Variants in POLR2B observed in about 807,000 individuals in gnomAD.
The protein encoded by POLR2B is DNA-directed RNA polymerase II subunit RPB2.
Under a neutral mutation model 144.6 loss-of-function variants are expected in POLR2B, and 57 were observed. That is an observed-to-expected ratio of 0.39 (90% CI 0.32 to 0.49). The LOEUF (loss-of-function observed/expected upper bound fraction) is 0.49, where lower values mean the gene tolerates loss of function less well. Among genes scored for constraint, POLR2B ranks in the 20% least tolerant of loss-of-function variants. The probability of loss-of-function intolerance (pLI) is 0.83; values close to 1 mark genes in which losing one functional copy is unlikely to be tolerated. For missense variants in POLR2B, 595 were observed against 1,467.4 expected, an observed-to-expected ratio of 0.41 and a Z score of 9.71; for synonymous variants, 442 against 469.8, an observed-to-expected ratio of 0.94 and a Z score of 0.77.
At position 57,007,017 on chromosome 4, in the gene POLR2B, T is replaced by G; in HGVS notation, c.1404+15T>G. The G allele has an allele frequency of 1.9e-6, 3 of 1,575,038 alleles. No individual in the cohort carries two copies. Among genetic ancestry groups the G allele is most frequent in the South Asian group, 1.1e-5 (1 of 89,554 alleles). ...GAGTATCTCAGGTAAGTGTGCCAAC[T>G]ATGACTACAGGCTCAATAGGAAACA... is the stretch of plus-strand genomic sequence containing the variant. On this transcript the variant is annotated intron_variant, in intron 10 of 24. Transcript: ENST00000314595.
intron 1 of POLR2B, among the ~76,000 whole-genome samples, chr4:56,984,633 T>C (rs1375409373): frequency 1.3e-5 from 2 of 152,230 alleles, no homozygotes; most frequent in Non-Finnish European, 2.9e-5. Flanking sequence ...TCTGAGCTAT[T>C]ATACATAGCT....
intron 3 of POLR2B, among the ~76,000 whole-genome samples, chr4:56,991,289 A>G (rs1216672640): frequency 6.6e-6 from 1 of 152,228 alleles, no homozygotes; most frequent in Non-Finnish European, 1.5e-5. Context: ...TATTATAACC[A>G]TATGAGATAA....
At chr4:56,982,604 G>A (rs995192710) in intron 1 of POLR2B, among the ~76,000 whole-genome samples, 5 of 151,840 alleles carry the variant, frequency 3.3e-5, no homozygotes, top group African/African-American at 1.2e-4. Flanking sequence ...AAAAAAAATT[G>A]CGTCCTTGTA....
chr4:57,020,825 A>C (rs1263583471), intron 16 of POLR2B, 74 bp from the exon 17 acceptor site: 1 of 828,740 alleles, frequency 1.2e-6, no homozygotes, highest in Non-Finnish European at 2.1e-6. Context: ...ATGTAATTAA[A>C]GTTGATTTAA....
In POLR2B at chr4:57,022,232, G is replaced by A. The variant is rs748064322; in HGVS notation, c.2501G>A (p.Arg834His). The A allele has an allele frequency of 4.4e-6, 7 of 1,601,368 alleles. No individual in the cohort carries two copies. The highest frequency in any genetic ancestry group is 2.2e-5 in the East Asian group (1 of 44,770). ...GAAGAAGTTTTTGAGAAGCCTACAC[G>A]TGAAACATGCCAGGGTAAGTGACAC... ...DQEEVFEKPT[R>H]ETCQGMRHAI... The change falls in exon 18 of 25, where the codon CGT becomes CAT. Residue 834 changes from arginine (R) to histidine (H), a missense_variant. This residue lies in a region of POLR2B where 75 missense variants were observed against 100.0 expected (regional missense o/e 0.75). Coordinates refer to ENST00000314595, the MANE Select transcript of POLR2B (RefSeq NM_000938.3).
At position 57,017,434 on chromosome 4, in the gene POLR2B, ATTAC is replaced by A. The variant is rs1723405927; in HGVS notation, c.2155-120_2155-117del. 1.2e-6 allele frequency: 1 copy of A among 837,692 alleles called. No individual in the cohort carries two copies. The highest frequency in any genetic ancestry group is 1.9e-6 in the Non-Finnish European group (1 of 537,178). 51.9% of individuals were successfully genotyped at this position (837,692 alleles called of 1,614,324 possible). ...CCGTAATTGATTATTCCAAATGGTT[ATTAC>A]TTACTGTTTTTGAAAAAAATCAGGA... On this transcript the variant is annotated intron_variant, in intron 15 of 24. Transcript: ENST00000314595. The surrounding 1 kb of genome is among the most constrained non-coding windows in gnomAD (Gnocchi z 4.8).
At position 57,030,381 on chromosome 4, in the gene POLR2B, C is replaced by T; in HGVS notation, c.3417C>T (p.Gly1139=). ...NTRTHTYECR[G]CRNKTQISLV... ...GGACCCATACATATGAATGCAGGGGCTGCCGCAATAAAACCCAGGTGTGTA... is the reference window on the plus strand; with the variant it reads ...GGACCCATACATATGAATGCAGGGGTTGCCGCAATAAAACCCAGGTGTGTA... Residue 1139 remains glycine, a synonymous_variant, in exon 24 of 25, where the codon GGC becomes GGT. Transcript: ENST00000314595. The T allele has an allele frequency of 6.2e-7, 1 of 1,611,364 alleles. No homozygotes were observed. The highest frequency in any genetic ancestry group is 8.5e-7 in the Non-Finnish European group (1 of 1,178,172).
chr4:57,031,128 G>A lies in POLR2B; in HGVS notation c.*140G>A, dbSNP rs1723908175. On this transcript the variant is annotated 3_prime_UTR_variant, in exon 25 of 25. Coordinates refer to ENST00000314595, the MANE Select transcript of POLR2B (RefSeq NM_000938.3). ...TTAATGATATGCATGCTTTTCTTCT[G>A]TAAATATATAATAAATTTTTGTAGA... is the stretch of plus-strand genomic sequence containing the variant. 2.8e-6 allele frequency: 2 copies of A among 710,848 alleles called. No homozygotes were observed. Among genetic ancestry groups the A allele is most frequent in the East Asian group, 2.7e-5 (1 of 37,430 alleles). The allele number at this position is 710,848 out of a possible 1,614,324, so 44.0% of individuals were successfully genotyped here. A position where few individuals can be genotyped will look rare whatever the true frequency, so the allele number is the denominator to read the frequency against.
At chr4:56,983,743 A>G (rs959061570) in intron 1 of POLR2B, among the ~76,000 whole-genome samples, 1 of 152,050 alleles carries the variant, frequency 6.6e-6, no homozygotes, top group Non-Finnish European at 1.5e-5. Flanking sequence ...CCTGGGTTCA[A>G]GTGATCCTGC....
chr4:57,016,711 A>T (rs951765556), intron 14 of POLR2B, among the ~76,000 whole-genome samples: 1 of 150,004 alleles, frequency 6.7e-6, no homozygotes, highest in East Asian at 1.9e-4. Flanking sequence ...GTATACTAAT[A>T]TAAAAATCAT....
In POLR2B at chr4:57,024,960, T is replaced by C; in HGVS notation, c.3039T>C (p.Asn1013=). The C allele has an allele frequency of 6.3e-7, 1 of 1,593,348 alleles. No homozygotes were observed. Among genetic ancestry groups the C allele is most frequent in the Non-Finnish European group, 8.6e-7 (1 of 1,163,248 alleles). ...CTGTTAACGTGCAGAAGATTTCTAATCTTTTATCTGATTATGGCTATCATC... is the reference window on the plus strand; with the variant it reads ...CTGTTAACGTGCAGAAGATTTCTAACCTTTTATCTGATTATGGCTATCATC... ...NDAVNVQKIS[N]LLSDYGYHLR... is the part of the protein sequence containing the mutation. Residue 1013 remains asparagine (N), a synonymous_variant, in exon 22 of 25, where the codon AAT becomes AAC. Coordinates refer to ENST00000314595, the MANE Select transcript of POLR2B (RefSeq NM_000938.3).
intron 24 of POLR2B, 38 bp downstream of exon 24, chr4:57,030,437 G>C: frequency 3.4e-6 from 5 of 1,485,292 alleles, no homozygotes; most frequent in Non-Finnish European, 4.6e-6. Context: ...TATTTGTTTA[G>C]AGGAAACTGT....
intron 9 of POLR2B, 91 bp downstream of exon 9, chr4:57,005,810 C>A: frequency 1.7e-6 from 2 of 1,164,216 alleles, no homozygotes. Flanking sequence ...ACTGTGTTGG[C>A]ATCCACGTTG....
At chr4:57,010,242 G>C in intron 10 of POLR2B, 119 bp from the exon 11 acceptor site, 2 of 886,082 alleles carry the variant, frequency 2.3e-6, no homozygotes, top group South Asian at 3.7e-5. Flanking sequence ...GGAAAGAATA[G>C]AGAAATGGGG....
intron 1 of POLR2B, among the ~76,000 whole-genome samples, chr4:56,984,007 G>A (rs1722239842): frequency 6.6e-6 from 1 of 151,784 alleles, no homozygotes; most frequent in South Asian, 2.1e-4. Flanking sequence ...TGGGACTACA[G>A]GCAGGTGCCA....
In POLR2B at chr4:57,019,759, C is replaced by CT. The variant is rs71208972; in HGVS notation, c.2324-1118dup. Among the ~76,000 whole-genome samples, 299 of 98,160 alleles carry CT rather than the reference C, an allele frequency of 3.0e-3. 2 individuals are homozygous for CT. The highest frequency in any genetic ancestry group is 5.0e-3 in the Non-Finnish European group (243 of 48,292). The allele number at this position is 98,160 out of a possible 152,430, so 64.4% of individuals were successfully genotyped here. Reference sequence around the variant, plus strand: ...ATTTTGCCAGTTGTCCTAATGATGTCTTTTTTTTTTTTTTTTTTTTTTGAG... The same window carrying CT: ...ATTTTGCCAGTTGTCCTAATGATGTCTTTTTTTTTTTTTTTTTTTTTTTGAG... On this transcript the variant is annotated intron_variant, in intron 16 of 24. Transcript: ENST00000314595.
At chr4:56,986,277 T>C (rs751575707) in intron 1 of POLR2B, 77 bp from the exon 2 acceptor site, 2 of 848,290 alleles carry the variant, frequency 2.4e-6, no homozygotes, top group Non-Finnish European at 4.2e-6. Flanking sequence ...ATGTTTCTGC[T>C]ACTTAAAGTC....
chr4:56,986,059 C>A (rs1722318866), intron 1 of POLR2B, among the ~76,000 whole-genome samples: 1 of 152,194 alleles, frequency 6.6e-6, no homozygotes. Context: ...GCCCCCTTAC[C>A]CTGTTCTCTG....
At chr4:56,984,775 A>G (rs1722265114) in intron 1 of POLR2B, among the ~76,000 whole-genome samples, 1 of 152,328 alleles carries the variant, frequency 6.6e-6, no homozygotes, top group African/African-American at 2.4e-5. Context: ...TAGGCTATAT[A>G]TGTGTACATT....
Sources: allele counts gnomAD v4.1 joint callset (sites outside exome capture counted in the v4.1 genomes callset), GRCh38; gene constraint gnomAD v4.1.1; regional missense constraint gnomAD v4.1.1; non-coding constraint Gnocchi (gnomAD v3.1); transcripts MANE v1.5; gene names NCBI Gene and HGNC (gene_info 2026-07-23, HGNC 2026-07-21).